The following SAMMSON variants were observed in gnomAD, a reference collection of about 807,000 sequenced individuals.
SAMMSON encodes survival associated mitochondrial melanoma specific oncogenic non-coding RNA, also known as long intergenic non-protein coding RNA 1212.
intron 2 of SAMMSON, among the ~76,000 whole-genome samples, chr3:70,427,211 C>T (rs368512457): frequency 3.9e-5 from 6 of 152,270 alleles, no homozygotes; most frequent in South Asian, 2.1e-4. Flanking sequence ...ACATCTGCAA[C>T]GGTAGACAGG....
intron 9 of SAMMSON, among the ~76,000 whole-genome samples, chr3:70,372,694 A>G (rs958731036): frequency 7.2e-5 from 11 of 152,170 alleles, no homozygotes; most frequent in Non-Finnish European, 1.3e-4. Flanking sequence ...CTCATCCTAT[A>G]TCTTTTCTTT....
intron 3 of SAMMSON, among the ~76,000 whole-genome samples, chr3:70,051,914 G>GT (rs1324103831): frequency 1.3e-5 from 2 of 151,904 alleles, no homozygotes; most frequent in Admixed American, 1.3e-4. Flanking sequence ...GCTGGGCAAC[G>GT]TGGAGAGACT....
intron 7 of SAMMSON, among the ~76,000 whole-genome samples, chr3:70,298,047 G>A (rs779220716): frequency 8.6e-5 from 13 of 151,932 alleles, no homozygotes; most frequent in Admixed American, 4.6e-4. Flanking sequence ...ATTGACAATC[G>A]GGTGCTATTT....
At chr3:70,073,025 A>G (rs369420841) in intron 4 of SAMMSON, among the ~76,000 whole-genome samples, 7 of 151,972 alleles carry the variant, frequency 4.6e-5, no homozygotes, top group Admixed American at 4.6e-4. Context: ...ATTATCCTCA[A>G]ATTGTCTCAC....
intron 6 of SAMMSON, among the ~76,000 whole-genome samples, chr3:70,253,414 C>T (rs944739957): frequency 2.0e-5 from 3 of 152,142 alleles, no homozygotes; most frequent in African/African-American, 7.2e-5. Flanking sequence ...TGTAGAATAC[C>T]AGAGCCTTGG....
At chr3:70,177,208 G>C (rs1701015054) in intron 4 of SAMMSON, among the ~76,000 whole-genome samples, 1 of 152,124 alleles carries the variant, frequency 6.6e-6, no homozygotes, top group Non-Finnish European at 1.5e-5. Flanking sequence ...GCACATTTTT[G>C]TTTAAGAGAT....
intron 9 of SAMMSON, among the ~76,000 whole-genome samples, chr3:70,375,474 A>T (rs1703006576): frequency 6.9e-6 from 1 of 145,628 alleles, no homozygotes. Flanking sequence ...CTCTTTTATT[A>T]CTTGTCATGA....
rs114474618 is a variant in SAMMSON at position 70,426,416 on chromosome 3, A to G, written n.234-36144A>G. Among the ~76,000 whole-genome samples, 1,347 of 152,334 alleles carry G rather than the reference A, an allele frequency of 8.8e-3. 25 individuals are homozygous for G. Among genetic ancestry groups the G allele is most frequent in the African/African-American group, 0.028 (1,146 of 41,582 alleles). ...AACACTAAATCATTTTGAGGAGACA[A>G]CCTATCCTGATCAAGAGTTTCTCCC... On this transcript the variant is annotated intron_variant and non_coding_transcript_variant, in intron 2 of 3. Coordinates refer to the SAMMSON transcript ENST00000641053.
chr3:70,400,453 C>T (rs1701131173), intron 2 of SAMMSON, among the ~76,000 whole-genome samples: 2 of 152,180 alleles, frequency 1.3e-5, no homozygotes, highest in South Asian at 4.1e-4. Context: ...TCTCTGCACA[C>T]ATCTGCTCCC....
chr3:70,278,549 G>C (rs545178080), intron 6 of SAMMSON, among the ~76,000 whole-genome samples: 1 of 152,194 alleles, frequency 6.6e-6, no homozygotes, highest in Non-Finnish European at 1.5e-5. Context: ...ACTCTGTGCT[G>C]TTGTCAGCAT....
chr3:70,404,391 A>G (rs1701163925), intron 2 of SAMMSON, among the ~76,000 whole-genome samples: 1 of 152,188 alleles, frequency 6.6e-6, no homozygotes, highest in African/African-American at 2.4e-5. Flanking sequence ...TCATGTAGAC[A>G]TCTTTCCATA....
chr3:70,125,341 A>G, intron 4 of SAMMSON: 9 of 1,451,500 alleles, frequency 6.2e-6, no homozygotes, highest in Non-Finnish European at 7.6e-6. Flanking sequence ...GTTTAGCTAA[A>G]TTCTTTACAT....
chr3:70,074,134 A>C (rs1369132981), intron 4 of SAMMSON, among the ~76,000 whole-genome samples: 2 of 152,076 alleles, frequency 1.3e-5, no homozygotes, highest in Admixed American at 1.3e-4. Flanking sequence ...ATTTTCTCCA[A>C]AAACAATGAC....
intron 4 of SAMMSON, among the ~76,000 whole-genome samples, chr3:70,101,157 T>G (rs1576122015): frequency 6.6e-6 from 1 of 152,246 alleles, no homozygotes; most frequent in Non-Finnish European, 1.5e-5. Context: ...CTGCTGTTAA[T>G]GACAAATTGC....
rs145151615 is a variant in SAMMSON, at chr3:70,121,655, C to T, written n.507+50090C>T. On this transcript the variant is annotated intron_variant and non_coding_transcript_variant, in intron 4 of 9. Coordinates refer to ENST00000642114, the Ensembl canonical transcript of SAMMSON. ...ACTTGGGGCTTTGAAAGTCTTAAGCCGGCCCAAGCAAAAGCCAATACACAC... is the reference window on the plus strand; with the variant it reads ...ACTTGGGGCTTTGAAAGTCTTAAGCTGGCCCAAGCAAAAGCCAATACACAC... Among the ~76,000 whole-genome samples, 200 of 152,072 alleles carry T rather than the reference C, an allele frequency of 1.3e-3. 1 individual carries two copies. Among genetic ancestry groups the T allele is most frequent in the African/African-American group, 4.5e-3 (186 of 41,504 alleles).
chr3:70,167,812 T>TA (rs371873370), intron 4 of SAMMSON, among the ~76,000 whole-genome samples: 7 of 152,102 alleles, frequency 4.6e-5, no homozygotes, highest in African/African-American at 1.4e-4. Context: ...ACTACAGCGA[T>TA]AGGCTTCATA....
At chr3:70,386,445 AAT>A (rs1190593141) in intron 9 of SAMMSON, among the ~76,000 whole-genome samples, 3 of 152,146 alleles carry the variant, frequency 2.0e-5, no homozygotes, top group African/African-American at 7.2e-5. Flanking sequence ...AATGAAAAAA[AAT>A]AAATTCATTT....
intron 1 of SAMMSON, among the ~76,000 whole-genome samples, chr3:70,005,451 T>C (rs988526802): frequency 2.0e-5 from 3 of 152,140 alleles, no homozygotes; most frequent in African/African-American, 4.8e-5. Flanking sequence ...TCTTTCTCCA[T>C]GTGGTGTTTC....
At chr3:70,070,428 AAAAAT>A (rs1335116055) in intron 3 of SAMMSON, 2 of 152,040 alleles carry the variant, frequency 1.3e-5, no homozygotes, top group South Asian at 2.1e-4. Flanking sequence ...GGCATAAAGA[AAAAAT>A]AAAATAAATT....
Sources: gnomAD v4.1 joint callset for allele counts (sites outside exome capture counted in the v4.1 genomes callset) on GRCh38, gnomAD v4.1.1 for gene constraint, MANE v1.5 for transcripts, NCBI Gene and HGNC (gene_info 2026-07-23, HGNC 2026-07-21) for gene names.